The following PRDX6 variants were observed in gnomAD, a reference collection of about 807,000 sequenced individuals.
The protein encoded by PRDX6 is peroxiredoxin 6, also known as peroxiredoxin-6.
In PRDX6, 13 loss-of-function variants were observed where a neutral mutation model predicts 20.0. The ratio of observed to expected loss-of-function variants is 0.65; its 90% CI spans 0.42 to 1.03. PRDX6 has a LOEUF of 1.03. Ranked by LOEUF, PRDX6 falls within the 50% of genes least tolerant of loss-of-function variation. The pLI, the probability that PRDX6 is intolerant of heterozygous loss-of-function variation, is 0.00. For synonymous variants in PRDX6, 85 were observed against 100.8 expected (o/e 0.84, Z 0.94); for missense variants, 203 against 276.9 (o/e 0.73, Z 1.89).
chr1:173,479,582 C>A (rs1658767693), intron 1 of PRDX6, among the ~76,000 whole-genome samples: 1 of 152,228 alleles, frequency 6.6e-6, no homozygotes. Flanking sequence ...CATAGTACAT[C>A]TTCACTAAGC....
chr1:173,478,412 T>C (rs1658743152), intron 1 of PRDX6, among the ~76,000 whole-genome samples: 1 of 152,184 alleles, frequency 6.6e-6, no homozygotes, highest in Admixed American at 6.5e-5. Flanking sequence ...GCTTTCTACC[T>C]TGCTTCTAGC....
Position 173,481,414 on chromosome 1 carries a change from G to A in PRDX6, c.184G>A (p.Ala62Thr). The change falls in exon 2 of 5, where the codon GCC becomes ACC. Residue 62 changes from alanine to threonine, a missense_variant. By Grantham distance (58) the Ala-to-Thr change is moderately conservative. Coordinates refer to ENST00000340385, the MANE Select transcript of PRDX6 (RefSeq NM_004905.3). ...GRAAKLAPEF[A>T]KRNVKLIALS... The stretch of plus-strand genomic sequence containing the variant: ...AGCTGCAAAGCTGGCACCAGAATTT[G>A]CCAAGAGGAATGTTAAGTTGATTGC... The A allele has an allele frequency of 6.2e-7, 1 of 1,614,074 alleles. No individual in the cohort carries two copies. Among genetic ancestry groups the A allele is most frequent in the Non-Finnish European group, 8.5e-7 (1 of 1,179,944 alleles).
At position 173,481,313 on chromosome 1, in the gene PRDX6, T is replaced by C; in HGVS notation, c.96-13T>C. 1 of 1,609,332 alleles carries C rather than the reference T, an allele frequency of 6.2e-7. No homozygotes were observed. The highest frequency in any genetic ancestry group is 8.5e-7 in the Non-Finnish European group (1 of 1,176,324). On this transcript the variant is annotated splice_polypyrimidine_tract_variant and intron_variant, in intron 1 of 4. Transcript: ENST00000340385. ...TCTTAATTCAATTGTGACCTTGTTT[T>C]TCTTCCTTTCAGATGGGGCATTCTC...
chr1:173,478,578 A>C (rs1182905849), intron 1 of PRDX6, among the ~76,000 whole-genome samples: 1 of 151,962 alleles, frequency 6.6e-6, no homozygotes, highest in African/African-American at 2.4e-5. Context: ...CATCAGAAGC[A>C]TTCCAGGCAT....
In PRDX6 at chr1:173,486,312, A is replaced by T. The variant is rs763210446; in HGVS notation, c.457A>T (p.Thr153Ser). The T allele has an allele frequency of 5.0e-6, 8 of 1,612,682 alleles. No homozygotes were observed. In the South Asian group the frequency reaches 8.8e-5, roughly 18 times the overall value. ...GCTGTCTATCCTCTACCCAGCTACC[A>T]CTGGCAGGAACTTTGATGAGATTCT... is the stretch of plus-strand genomic sequence containing the variant. ...LKLSILYPAT[T>S]GRNFDEILRV... The change falls in exon 4 of 5, where the codon ACT becomes TCT. Residue 153 changes from threonine (T) to serine (S), a missense_variant. Physicochemically the swap from Thr to Ser is moderately conservative, Grantham distance 58. Transcript: ENST00000340385.
intron 1 of PRDX6, 85 bp downstream of exon 1, chr1:173,477,577 T>C: frequency 8.6e-7 from 1 of 1,165,388 alleles, no homozygotes; most frequent in Non-Finnish European, 1.2e-6. Context: ...CCTGCCGTCC[T>C]CCCGGCCGCT....
intron 2 of PRDX6, among the ~76,000 whole-genome samples, chr1:173,485,073 T>A (rs958067563): frequency 6.6e-6 from 1 of 152,206 alleles, no homozygotes; most frequent in African/African-American, 2.4e-5. Context: ...TTAAAGGGGT[T>A]GCTGCTATTT....
chr1:173,485,969 A>G (rs1658888944), intron 3 of PRDX6, among the ~76,000 whole-genome samples: 1 of 152,250 alleles, frequency 6.6e-6, no homozygotes, highest in Non-Finnish European at 1.5e-5. Flanking sequence ...TATGATAGTC[A>G]TCCCCAATTG....
Position 173,477,383 on chromosome 1 carries a change from C to G in PRDX6, c.-15C>G, listed in dbSNP as rs564166927. On this transcript the variant is annotated 5_prime_UTR_variant, in exon 1 of 5. Transcript: ENST00000340385. Reference sequence around the variant, plus strand: ...TTGCTTGCTGTCCCAGCGGCGCCCCCTCATCACCGTCGCCATGCCCGGAGG... The same window carrying G: ...TTGCTTGCTGTCCCAGCGGCGCCCCGTCATCACCGTCGCCATGCCCGGAGG... 6 of 1,600,972 alleles carry G rather than the reference C, an allele frequency of 3.7e-6. No homozygotes were observed. The highest frequency in any genetic ancestry group is 1.7e-4 in the Middle Eastern group (1 of 6,024).
At chr1:173,486,154 T>C in intron 3 of PRDX6, 101 bp from the exon 4 acceptor site, 1 of 1,086,710 alleles carries the variant, frequency 9.2e-7, no homozygotes, top group Non-Finnish European at 1.2e-6. Flanking sequence ...TTTTGTCTTG[T>C]TTTTATACCC....
rs1557997751 is a variant in PRDX6 at position 173,485,352 on chromosome 1, G to A, written c.253-9G>A. The A allele has an allele frequency of 6.4e-7, 1 of 1,567,016 alleles. No individual in the cohort carries two copies. The highest frequency in any genetic ancestry group is 1.8e-5 in the Admixed American group (1 of 54,940). ...TAGATTCCTCTTTCCCCTTTTACTT[G>A]TGTTTCAGGATATCAATGCTTACAA... is the stretch of plus-strand genomic sequence containing the variant. On this transcript the variant is annotated splice_polypyrimidine_tract_variant and intron_variant, in intron 2 of 4. Transcript: ENST00000340385.
At chr1:173,485,626 T>A (rs1557997851) in intron 3 of PRDX6, 119 bp downstream of exon 3, 1 of 954,354 alleles carries the variant, frequency 1.0e-6, no homozygotes, top group Admixed American at 3.2e-5. Flanking sequence ...TAACTGTGTA[T>A]TGGCGACAAT....
chr1:173,482,848 G>A (rs1027454271), intron 2 of PRDX6, among the ~76,000 whole-genome samples: 1 of 152,186 alleles, frequency 6.6e-6, no homozygotes, highest in Non-Finnish European at 1.5e-5. Flanking sequence ...AGTGGTAACT[G>A]TAGTTTTTGC....
chr1:173,484,699 T>G (rs911061644), intron 2 of PRDX6, among the ~76,000 whole-genome samples: 2 of 152,202 alleles, frequency 1.3e-5, no homozygotes, highest in Non-Finnish European at 2.9e-5. Flanking sequence ...TCATTTTTCT[T>G]TAGTTCAGAC....
chr1:173,485,358 C>T lies in PRDX6; in HGVS notation c.253-3C>T. 1 of 1,570,102 alleles carries T rather than the reference C, an allele frequency of 6.4e-7. No homozygotes were observed. Among genetic ancestry groups the T allele is most frequent in the Non-Finnish European group, 8.7e-7 (1 of 1,154,218 alleles). ...CCTCTTTCCCCTTTTACTTGTGTTT[C>T]AGGATATCAATGCTTACAATTGTGA... is the stretch of plus-strand genomic sequence containing the variant. On this transcript the variant is annotated splice_polypyrimidine_tract_variant and splice_region_variant and intron_variant, in intron 2 of 4. Transcript: ENST00000340385.
In PRDX6 at chr1:173,487,900, G is replaced by A. The variant is rs200166020; in HGVS notation, c.*37G>A. 5.6e-6 allele frequency: 9 copies of A among 1,608,676 alleles called. No homozygotes were observed. The East Asian group carries it at 1.8e-4, about 32-fold the overall frequency. The stretch of plus-strand genomic sequence containing the variant: ...AAGCTGGTGCTGTGAGCCAGAGGAT[G>A]TCAGCTGCCAATTGTGTTTTCCTGC... On this transcript the variant is annotated 3_prime_UTR_variant, in exon 5 of 5. Coordinates refer to ENST00000340385, the MANE Select transcript of PRDX6 (RefSeq NM_004905.3).
intron 1 of PRDX6, among the ~76,000 whole-genome samples, chr1:173,480,230 A>G (rs1658778435): frequency 1.3e-5 from 2 of 152,204 alleles, no homozygotes; most frequent in Admixed American, 1.3e-4. Context: ...TTCCTTCTTG[A>G]AACCTTGGGA....
At chr1:173,478,251 T>G (rs1658739092) in intron 1 of PRDX6, among the ~76,000 whole-genome samples, 1 of 152,194 alleles carries the variant, frequency 6.6e-6, no homozygotes, top group African/African-American at 2.4e-5. Flanking sequence ...TTCCAGAACT[T>G]GCAACACTTG....
rs375411512 is a variant in PRDX6, at chr1:173,487,874, G to A, written c.*11G>A. The stretch of plus-strand genomic sequence containing the variant: ...ACACCCCAGCCTTAAGTCTCTTGGA[G>A]AAGCTGGTGCTGTGAGCCAGAGGAT... On this transcript the variant is annotated 3_prime_UTR_variant, in exon 5 of 5. Transcript: ENST00000340385. 6.2e-7 allele frequency: 1 copy of A among 1,612,088 alleles called. No individual in the cohort carries two copies. The highest frequency in any genetic ancestry group is 8.5e-7 in the Non-Finnish European group (1 of 1,179,864).
Sources: allele counts gnomAD v4.1 joint callset (sites outside exome capture counted in the v4.1 genomes callset), GRCh38; gene constraint gnomAD v4.1.1; transcripts MANE v1.5; gene names NCBI Gene and HGNC (gene_info 2026-07-23, HGNC 2026-07-21).